Variants in TNR observed in about 807,000 individuals in gnomAD.
TNR encodes the protein tenascin-R.
In TNR, 45 loss-of-function variants were observed where a neutral mutation model predicts 150.4. That is an observed-to-expected ratio of 0.30 (90% CI 0.24 to 0.38). The LOEUF is 0.38. TNR is among the 10% of genes least tolerant of loss of function. The pLI, the probability that TNR is intolerant of heterozygous loss-of-function variation, is 1.00. For missense variants in TNR, 1,544 were observed against 1,759.1 expected, an observed-to-expected ratio of 0.88 and a Z score of 2.19; for synonymous variants, 687 against 678.4, an observed-to-expected ratio of 1.01 and a Z score of -0.20.
intron 1 of TNR, among the ~76,000 whole-genome samples, chr1:175,595,844 C>A (rs1438512473): frequency 6.6e-6 from 1 of 152,174 alleles, no homozygotes; most frequent in African/African-American, 2.4e-5. Flanking sequence ...GCATTTTGCA[C>A]TTATTCTCTC....
At chr1:175,740,765 C>T (rs571225599) in intron 1 of TNR, among the ~76,000 whole-genome samples, 1 of 152,326 alleles carries the variant, frequency 6.6e-6, no homozygotes, top group Admixed American at 6.5e-5. Flanking sequence ...TCTCCTGCTC[C>T]TTAGTCATCC....
chr1:175,404,672 A>G (rs1362711212), intron 3 of TNR, among the ~76,000 whole-genome samples: 1 of 152,202 alleles, frequency 6.6e-6, no homozygotes, highest in Non-Finnish European at 1.5e-5. Context: ...TCTTCCTTGC[A>G]GATTTTTCCC....
At chr1:175,327,123 C>T (rs1649444519) in intron 21 of TNR, among the ~76,000 whole-genome samples, 1 of 152,150 alleles carries the variant, frequency 6.6e-6, no homozygotes, top group African/African-American at 2.4e-5. Flanking sequence ...TATCTTCTCA[C>T]TCCCTGCGTC....
intron 15 of TNR, among the ~76,000 whole-genome samples, chr1:175,359,062 T>C (rs1458009913): frequency 1.3e-5 from 2 of 150,580 alleles, no homozygotes; most frequent in Non-Finnish European, 2.9e-5. Flanking sequence ...CTTGGTTACA[T>C]GCCTTTCTTG....
intron 3 of TNR, among the ~76,000 whole-genome samples, chr1:175,403,892 T>C (rs991651348): frequency 6.6e-6 from 1 of 152,206 alleles, no homozygotes; most frequent in Non-Finnish European, 1.5e-5. Context: ...ATGGATTCCT[T>C]AGAAGTAGGT....
In TNR at chr1:175,696,236, T is replaced by C. The variant is rs1046140455; in HGVS notation, c.-165+46990A>G. Among the ~76,000 whole-genome samples the C allele has an allele frequency of 2.9e-3, 436 of 148,606 alleles. 7 individuals carry two copies. Among genetic ancestry groups the C allele is most frequent in the African/African-American group, 0.011 (416 of 39,500 alleles). The stretch of plus-strand genomic sequence containing the variant: ...CCTGTAGTTTTTTTTTTTTTTTTTT[T>C]TTTTTTTTCCAAAATTTAAGGGACC... On this transcript the variant is annotated intron_variant, in intron 1 of 22. Coordinates refer to ENST00000367674, the MANE Select transcript of TNR (RefSeq NM_003285.3).
intron 2 of TNR, among the ~76,000 whole-genome samples, chr1:175,525,644 C>G (rs1659818455): frequency 6.6e-6 from 1 of 152,208 alleles, no homozygotes; most frequent in South Asian, 2.1e-4. Flanking sequence ...CGGGTGCCCT[C>G]CTTCACCTAC....
intron 4 of TNR, 68 bp downstream of exon 4, chr1:175,403,072 A>G: frequency 7.6e-7 from 1 of 1,318,072 alleles, no homozygotes; most frequent in Non-Finnish European, 1.1e-6. Context: ...TTCCCAAGCT[A>G]ACTGGAGGCA....
intron 2 of TNR, among the ~76,000 whole-genome samples, chr1:175,429,663 T>C (rs1018391341): frequency 3.3e-5 from 5 of 152,178 alleles, no homozygotes; most frequent in Non-Finnish European, 5.9e-5. Context: ...CATGAAACAC[T>C]CTTTGTAAAG....
intron 1 of TNR, among the ~76,000 whole-genome samples, chr1:175,567,696 C>T (rs1661697645): frequency 1.3e-5 from 2 of 152,180 alleles, no homozygotes; most frequent in Non-Finnish European, 2.9e-5. Context: ...ATGCCCTGCA[C>T]AAGCCCCTCC....
chr1:175,430,397 A>C (rs983273225), intron 2 of TNR, among the ~76,000 whole-genome samples: 6 of 152,180 alleles, frequency 3.9e-5, no homozygotes, highest in African/African-American at 1.4e-4. Context: ...ATTAGACAAC[A>C]ATCTAAATGA....
At chr1:175,346,631 C>A (rs749497234) in intron 18 of TNR, among the ~76,000 whole-genome samples, 1 of 151,868 alleles carries the variant, frequency 6.6e-6, no homozygotes, top group Non-Finnish European at 1.5e-5. Context: ...AATGAAAAGT[C>A]TTTTGAAGAA....
intron 1 of TNR, among the ~76,000 whole-genome samples, chr1:175,613,564 T>C (rs1663668572): frequency 6.6e-6 from 1 of 151,872 alleles, no homozygotes; most frequent in Non-Finnish European, 1.5e-5. Context: ...TAGCCTGGCT[T>C]CTCCTCCTGC....
rs1021126536 is a variant in TNR, at chr1:175,364,882, C to T, written c.2587+128G>A. On this transcript the variant is annotated intron_variant, in intron 12 of 22. Transcript: ENST00000367674. ...GAAGTAGCTGTTTCAGAACAGGTCA[C>T]AGACTTTCTCTAGCCATAGAGGAAA... is the stretch of plus-strand genomic sequence containing the variant. 1.8e-5 allele frequency: 22 copies of T among 1,219,004 alleles called. No individual in the cohort carries two copies. In the East Asian group the frequency reaches 5.0e-4, roughly 27 times the overall value. The allele number at this position is 1,219,004 out of a possible 1,614,324, so 75.5% of individuals were successfully genotyped here.
chr1:175,421,553 T>A (rs2102062449), intron 2 of TNR, among the ~76,000 whole-genome samples: 1 of 152,344 alleles, frequency 6.6e-6, no homozygotes, highest in Middle Eastern at 3.4e-3. Flanking sequence ...GTCAGTGACG[T>A]GTCTTTCTAC....
At position 175,354,404 on chromosome 1, in the gene TNR, G is replaced by A. The variant is rs756941802; in HGVS notation, c.3369C>T (p.Thr1123=). 1.8e-5 allele frequency: 29 copies of A among 1,613,828 alleles called. No individual in the cohort carries two copies. The highest frequency in any genetic ancestry group is 1.6e-4 in the Middle Eastern group (1 of 6,078). ...QDTTWSSITS[T]AFTTGGRVFP... ...ATGCTCCCTCACCTGTGGTGAAAGC[G>A]GTGGAGGTGATGCTGCTCCACGTGG... Residue 1123 remains threonine (T), a synonymous_variant, in exon 18 of 23, where the codon ACC becomes ACT. Transcript: ENST00000367674.
rs1036886274 is a variant in TNR at position 175,549,009 on chromosome 1, T to C, written c.-164-20640A>G. 2.6e-5 allele frequency among the ~76,000 whole-genome samples: 4 copies of C among 152,208 alleles called. No homozygotes were observed. The East Asian group carries it at 7.7e-4, about 29-fold the overall frequency. Reference sequence around the variant, plus strand: ...GGAGCTGTCTCTCATTGGTAATATCTTCATGCAGCTGCTAGGACCAGCACA... The same window carrying C: ...GGAGCTGTCTCTCATTGGTAATATCCTCATGCAGCTGCTAGGACCAGCACA... On this transcript the variant is annotated intron_variant, in intron 1 of 22. Coordinates refer to ENST00000367674, the MANE Select transcript of TNR (RefSeq NM_003285.3).
At chr1:175,629,493 T>TC (rs1382137096) in intron 1 of TNR, among the ~76,000 whole-genome samples, 1 of 152,096 alleles carries the variant, frequency 6.6e-6, no homozygotes, top group African/African-American at 2.4e-5. Flanking sequence ...AATTTTTTTT[T>TC]CTGTATAGAG....
intron 2 of TNR, among the ~76,000 whole-genome samples, chr1:175,413,257 C>G (rs1654293585): frequency 6.6e-6 from 1 of 152,218 alleles, no homozygotes; most frequent in African/African-American, 2.4e-5. Flanking sequence ...AACTCCTGAC[C>G]TCAGGTAATC....
Sources: gnomAD v4.1 joint callset for allele counts (sites outside exome capture counted in the v4.1 genomes callset) on GRCh38, gnomAD v4.1.1 for gene constraint, MANE v1.5 for transcripts, NCBI Gene and HGNC (gene_info 2026-07-23, HGNC 2026-07-21) for gene names.